Variants in MGAT4C observed in about 807,000 individuals in gnomAD.
MGAT4C encodes MGAT4 family member C.
MGAT4C carries 19 observed loss-of-function variants against 40.1 expected under a neutral mutation model. The observed-to-expected ratio is 0.47, with a 90% CI of 0.33 to 0.70. The LOEUF (loss-of-function observed/expected upper bound fraction) is 0.70, where lower values mean the gene tolerates loss of function less well. MGAT4C is among the 30% of genes least tolerant of loss of function. MGAT4C has a pLI of 0.02. For synonymous variants in MGAT4C, 181 were observed against 187.1 expected (o/e 0.97, Z 0.27); for missense variants, 491 against 563.2 (o/e 0.87, Z 1.30).
intron 2 of MGAT4C, among the ~76,000 whole-genome samples, chr12:86,522,754 T>C (rs114539195): frequency 0.011 from 1,650 of 152,238 alleles, 30 homozygotes; most frequent in African/African-American, 0.037. Flanking sequence ...GTATGCTATT[T>C]TTTACTGATT....
chr12:86,689,767 T>C (rs1452156319), intron 2 of MGAT4C, among the ~76,000 whole-genome samples: 1 of 152,092 alleles, frequency 6.6e-6, no homozygotes, highest in African/African-American at 2.4e-5. Context: ...CTGGGATGTG[T>C]CTCCCAGTCA....
chr12:86,757,803 A>G (rs1448030369), intron 1 of MGAT4C, among the ~76,000 whole-genome samples: 2 of 152,190 alleles, frequency 1.3e-5, no homozygotes, highest in African/African-American at 2.4e-5. Flanking sequence ...ACTGAAAGAT[A>G]ACCATTTTGT....
chr12:86,490,226 C>T (rs1028641549), intron 2 of MGAT4C, among the ~76,000 whole-genome samples: 18 of 152,176 alleles, frequency 1.2e-4, no homozygotes, highest in East Asian at 3.9e-4. Context: ...GCGGATCTCT[C>T]GGCAGAAACC....
At position 86,609,785 on chromosome 12, in the gene MGAT4C, C is replaced by T. The variant is rs558810784; in HGVS notation, c.-229+117424G>A. Among the ~76,000 whole-genome samples, 62 of 72,838 alleles carry T rather than the reference C, an allele frequency of 8.5e-4. No individual in the cohort carries two copies. In the South Asian group the frequency reaches 0.016, roughly 18 times the overall value. 47.8% of individuals were successfully genotyped at this position (72,838 alleles called of 152,430 possible). A position where few individuals can be genotyped will look rare whatever the true frequency, so the allele number is the denominator to read the frequency against. ...TTTACCTCCTATGCTAAATAAGGCACTACCAGAAAAAAAAAAAACTTGCAA... is the reference window on the plus strand; with the variant it reads ...TTTACCTCCTATGCTAAATAAGGCATTACCAGAAAAAAAAAAAACTTGCAA... On this transcript the variant is annotated intron_variant, in intron 2 of 7. Coordinates refer to the MGAT4C transcript ENST00000548651.
At chr12:86,438,873 T>C (rs1957181226) in intron 2 of MGAT4C, among the ~76,000 whole-genome samples, 1 of 151,416 alleles carries the variant, frequency 6.6e-6, no homozygotes, top group South Asian at 2.1e-4. Flanking sequence ...GTAAAAAAAA[T>C]AAAAAGACAA....
chr12:86,216,039 A>G (rs574418551), intron 1 of MGAT4C, among the ~76,000 whole-genome samples: 1 of 152,320 alleles, frequency 6.6e-6, no homozygotes, highest in African/African-American at 2.4e-5. Context: ...CTTAATAAAC[A>G]TGAGATTTTT....
chr12:86,278,471 G>A (rs113673895), intron 4 of MGAT4C, among the ~76,000 whole-genome samples: 1 of 152,010 alleles, frequency 6.6e-6, no homozygotes, highest in Non-Finnish European at 1.5e-5. Context: ...GAGCCACCAT[G>A]CCCATCTTTG....
intron 4 of MGAT4C, among the ~76,000 whole-genome samples, chr12:86,271,434 T>C (rs528656221): frequency 8.0e-4 from 122 of 152,312 alleles, no homozygotes; most frequent in African/African-American, 2.8e-3. Flanking sequence ...TCAATATCAC[T>C]AATCATTACT....
At chr12:86,612,378 A>G (rs1962312932) in intron 2 of MGAT4C, among the ~76,000 whole-genome samples, 1 of 152,128 alleles carries the variant, frequency 6.6e-6, no homozygotes, top group Non-Finnish European at 1.5e-5. Context: ...TGCCTGTTAT[A>G]CATTCATCTT....
At chr12:86,278,142 C>T (rs1953123170) in intron 4 of MGAT4C, among the ~76,000 whole-genome samples, 1 of 135,632 alleles carries the variant, frequency 7.4e-6, no homozygotes, top group African/African-American at 2.7e-5. Context: ...TTAATTTTAT[C>T]TGTAGCTATT....
intron 2 of MGAT4C, among the ~76,000 whole-genome samples, chr12:86,565,112 A>T: frequency 6.6e-6 from 1 of 152,312 alleles, no homozygotes; most frequent in South Asian, 2.1e-4. Context: ...GGGTCATCAA[A>T]GTCACCATGT....
chr12:86,569,116 T>C (rs948312825), intron 2 of MGAT4C, among the ~76,000 whole-genome samples: 7 of 152,028 alleles, frequency 4.6e-5, no homozygotes, highest in Admixed American at 3.3e-4. Flanking sequence ...TTCAGGAGAA[T>C]AGTCTAGGCA....
intron 2 of MGAT4C, among the ~76,000 whole-genome samples, chr12:86,631,888 A>G (rs1565894702): frequency 1.3e-5 from 2 of 152,114 alleles, no homozygotes; most frequent in Non-Finnish European, 2.9e-5. Flanking sequence ...TGGCAACAAA[A>G]GCTAAAATTG....
intron 2 of MGAT4C, among the ~76,000 whole-genome samples, chr12:86,455,494 G>T (rs1245495076): frequency 6.6e-6 from 1 of 151,938 alleles, no homozygotes; most frequent in Non-Finnish European, 1.5e-5. Context: ...TGAAAATACA[G>T]AAATTAAAAA....
intron 4 of MGAT4C, among the ~76,000 whole-genome samples, chr12:86,315,344 T>C (rs1427533456): frequency 6.6e-6 from 1 of 152,130 alleles, no homozygotes. Flanking sequence ...CATACCTCTC[T>C]CCACATACAA....
chr12:86,142,504 A>G (rs1640945543), intron 1 of MGAT4C, among the ~76,000 whole-genome samples: 1 of 152,188 alleles, frequency 6.6e-6, no homozygotes, highest in African/African-American at 2.4e-5. Flanking sequence ...AATCTCAGCA[A>G]TCAGCTACTA....
At chr12:86,700,329 A>G (rs1459640917) in intron 2 of MGAT4C, among the ~76,000 whole-genome samples, 1 of 151,982 alleles carries the variant, frequency 6.6e-6, no homozygotes, top group Non-Finnish European at 1.5e-5. Context: ...TTTTAGAGAG[A>G]GAGACTGTGT....
intron 3 of MGAT4C, among the ~76,000 whole-genome samples, chr12:86,347,660 T>C (rs1277969263): frequency 2.0e-5 from 3 of 152,188 alleles, no homozygotes; most frequent in Non-Finnish European, 4.4e-5. Flanking sequence ...ACATATTTAC[T>C]TCTGGTTCTG....
intron 2 of MGAT4C, among the ~76,000 whole-genome samples, chr12:86,576,473 C>A (rs1404436768): frequency 6.6e-6 from 1 of 151,684 alleles, no homozygotes; most frequent in Non-Finnish European, 1.5e-5. Context: ...TAGATTTTAG[C>A]CTTTAATCCA....
Sources: allele counts gnomAD v4.1 joint callset (sites outside exome capture counted in the v4.1 genomes callset), GRCh38; gene constraint gnomAD v4.1.1; transcripts MANE v1.5; gene names NCBI Gene and HGNC (gene_info 2026-07-23, HGNC 2026-07-21).